Variants in DCUN1D4 observed in about 807,000 individuals in gnomAD.
DCUN1D4 encodes defective in cullin neddylation 1 domain containing 4.
DCUN1D4 carries 22 observed loss-of-function variants against 47.9 expected under a neutral mutation model. That is an observed-to-expected ratio of 0.46 (90% CI 0.33 to 0.66). The LOEUF (loss-of-function observed/expected upper bound fraction) is 0.66. Among genes scored for constraint, DCUN1D4 ranks in the 30% least tolerant of loss-of-function variants. DCUN1D4 has a pLI of 0.02. For synonymous variants in DCUN1D4, 121 were observed against 112.2 expected, an observed-to-expected ratio of 1.08 and a Z score of -0.50; for missense variants, 301 against 340.8, an observed-to-expected ratio of 0.88 and a Z score of 0.92.
At chr4:51,858,285 T>G (rs1724460183) in intron 1 of DCUN1D4, among the ~76,000 whole-genome samples, 1 of 151,934 alleles carries the variant, frequency 6.6e-6, no homozygotes, top group Admixed American at 6.6e-5. Flanking sequence ...AGCAACCATG[T>G]TATTATTAGG....
chr4:51,881,322 T>A (rs1194890089), intron 5 of DCUN1D4, among the ~76,000 whole-genome samples: 1 of 152,184 alleles, frequency 6.6e-6, no homozygotes, highest in Non-Finnish European at 1.5e-5. Context: ...CTATTTTGGA[T>A]TAAGTTCTAT....
intron 7 of DCUN1D4, among the ~76,000 whole-genome samples, chr4:51,895,400 G>C (rs1731086314): frequency 6.6e-6 from 1 of 151,896 alleles, no homozygotes; most frequent in African/African-American, 2.4e-5. Context: ...CCTAGGGCCT[G>C]TGAGCCTGGG....
intron 6 of DCUN1D4, among the ~76,000 whole-genome samples, chr4:51,888,524 T>G (rs1381503970): frequency 6.6e-6 from 1 of 151,006 alleles, no homozygotes; most frequent in Non-Finnish European, 1.5e-5. Flanking sequence ...GCGGATCACC[T>G]GAGGTCAGCA....
chr4:51,837,862 T>C, the DCUN1D4 span, among the ~76,000 whole-genome samples: 2 of 152,078 alleles, frequency 1.3e-5, no homozygotes, highest in South Asian at 4.2e-4. Context: ...TGAGGAAAGA[T>C]ATCAGGATTT....
upstream of DCUN1D4, among the ~76,000 whole-genome samples, chr4:51,839,127 G>A (rs1324273906): frequency 1.3e-5 from 2 of 149,986 alleles, no homozygotes; most frequent in African/African-American, 5.0e-5. Context: ...AGGAGAGAAG[G>A]AGGGAATGAG....
At chr4:51,882,429 A>T (rs1053140045) in intron 5 of DCUN1D4, among the ~76,000 whole-genome samples, 3 of 152,208 alleles carry the variant, frequency 2.0e-5, no homozygotes, top group African/African-American at 7.2e-5. Flanking sequence ...CACCCAAGCC[A>T]TGTGCAGAGG....
chr4:51,854,668 T>C (rs1347071583), intron 1 of DCUN1D4, among the ~76,000 whole-genome samples: 1 of 152,262 alleles, frequency 6.6e-6, no homozygotes, highest in Non-Finnish European at 1.5e-5. Context: ...CACTTTGTTC[T>C]GGTCTCAGTT....
At position 51,897,084 on chromosome 4, in the gene DCUN1D4, C is replaced by G. The variant is rs537200631; in HGVS notation, c.507-2186C>G. Among the ~76,000 whole-genome samples, 4 of 152,284 alleles carry G rather than the reference C, an allele frequency of 2.6e-5. No homozygotes were observed. In the Middle Eastern group the frequency reaches 0.014, roughly 518 times the overall value. On this transcript the variant is annotated intron_variant, in intron 7 of 10. Coordinates refer to ENST00000334635, the MANE Select transcript of DCUN1D4 (RefSeq NM_001040402.3). ...TAGACAGAGAGCCTTTCCCACCTCT[C>G]CAAAATATCTAGTTCCTGCTTATCT...
At position 51,843,878 on chromosome 4, in the gene DCUN1D4, G is replaced by T. The variant is rs536355278; in HGVS notation, c.25+611G>T. On this transcript the variant is annotated intron_variant, in intron 1 of 10. Transcript: ENST00000334635. Reference sequence around the variant, plus strand: ...AGCGGGGCAGGAGGGCGGGCGACTGGACGAGGGCTGATGTAACGGGAAAGC... The same window carrying T: ...AGCGGGGCAGGAGGGCGGGCGACTGTACGAGGGCTGATGTAACGGGAAAGC... The T allele has an allele frequency of 1.8e-4, 103 of 559,562 alleles. 2 individuals are homozygous for T. The South Asian group carries it at 7.9e-3, about 43-fold the overall frequency. The allele number at this position is 559,562 out of a possible 1,614,324, so 34.7% of individuals were successfully genotyped here. A position where few individuals can be genotyped will look rare whatever the true frequency, so the allele number is the denominator to read the frequency against.
At chr4:51,902,359 G>A (rs190054045) in intron 8 of DCUN1D4, among the ~76,000 whole-genome samples, 8 of 152,280 alleles carry the variant, frequency 5.3e-5, no homozygotes, top group Non-Finnish European at 1.0e-4. Flanking sequence ...ACTGAGAGAG[G>A]AATGTTGAAC....
intron 7 of DCUN1D4, 139 bp downstream of exon 7, chr4:51,891,990 G>A: frequency 3.1e-6 from 2 of 649,934 alleles, no homozygotes; most frequent in South Asian, 4.2e-5. Context: ...GGCCAAAGAT[G>A]TAAAGACTAA....
rs1729491305 is a variant in DCUN1D4 at position 51,886,472 on chromosome 4, C to G, written c.344-96C>G. The G allele has an allele frequency of 8.4e-6, 9 of 1,067,992 alleles. No homozygotes were observed. The South Asian group carries it at 1.4e-4, about 17-fold the overall frequency. The allele number at this position is 1,067,992 out of a possible 1,614,324, so 66.2% of individuals were successfully genotyped here. On this transcript the variant is annotated intron_variant, in intron 5 of 10. Coordinates refer to ENST00000334635, the MANE Select transcript of DCUN1D4 (RefSeq NM_001040402.3). ...TTTTTTTCCAAAAGGAGTTAATGGC[C>G]TTTAAGTCTTACTTGTTGACAGTAT... is the stretch of plus-strand genomic sequence containing the variant.
At chr4:51,842,451 A>C (rs1721756016), upstream of DCUN1D4, among the ~76,000 whole-genome samples, 1 of 152,242 alleles carries the variant, frequency 6.6e-6, no homozygotes, top group Non-Finnish European at 1.5e-5. Flanking sequence ...ACTCTGGAAA[A>C]GAAGTACATT....
chr4:51,835,555 T>C, the DCUN1D4 span, among the ~76,000 whole-genome samples: 4 of 152,134 alleles, frequency 2.6e-5, no homozygotes, highest in Non-Finnish European at 5.9e-5. Flanking sequence ...GAAAAAGTGC[T>C]TGTGAGATGG....
chr4:51,834,086 C>CTTTTTTTTTTTTTT, the DCUN1D4 span, among the ~76,000 whole-genome samples: 1 of 47,026 alleles, frequency 2.1e-5, no homozygotes, highest in Non-Finnish European at 3.6e-5. Context: ...CTCTCTCTCT[C>CTTTTTTTTTTTTTT]TTTTCTTTTC....
At chr4:51,907,804 T>A (rs1453072611) in intron 8 of DCUN1D4, among the ~76,000 whole-genome samples, 4 of 152,214 alleles carry the variant, frequency 2.6e-5, no homozygotes, top group Non-Finnish European at 5.9e-5. Flanking sequence ...GATACTCAGA[T>A]GTTTAAAGGT....
At chr4:51,842,961 C>A, upstream of DCUN1D4, 2 of 951,180 alleles carry the variant, frequency 2.1e-6, no homozygotes, top group Non-Finnish European at 2.8e-6. Flanking sequence ...CCGCCAGGGG[C>A]GTTACGGAGA....
At chr4:51,896,295 A>G (rs563893090) in intron 7 of DCUN1D4, among the ~76,000 whole-genome samples, 1 of 152,276 alleles carries the variant, frequency 6.6e-6, no homozygotes, top group Admixed American at 6.5e-5. Flanking sequence ...ATGCTGCAGA[A>G]CTTCACATTT....
chr4:51,912,888 A>G (rs983962885), intron 9 of DCUN1D4, among the ~76,000 whole-genome samples: 1 of 152,216 alleles, frequency 6.6e-6, no homozygotes, highest in South Asian at 2.1e-4. Context: ...CTCTTTATTT[A>G]GCACTTACTT....
Sources: gnomAD v4.1 joint callset for allele counts (sites outside exome capture counted in the v4.1 genomes callset) on GRCh38, gnomAD v4.1.1 for gene constraint, MANE v1.5 for transcripts, NCBI Gene and HGNC (gene_info 2026-07-23, HGNC 2026-07-21) for gene names.